IL2RB: variants seen among roughly 807,000 people sequenced by gnomAD.
The protein encoded by IL2RB is interleukin 2 receptor subunit beta.
In IL2RB, 17 loss-of-function variants were observed where a neutral mutation model predicts 44.2. The ratio of observed to expected loss-of-function variants is 0.38; its 90% CI spans 0.26 to 0.58. The LOEUF (loss-of-function observed/expected upper bound fraction) is 0.58. IL2RB is among the 20% of genes least tolerant of loss of function. The probability of loss-of-function intolerance (pLI) is 0.63; values close to 1 mark genes in which losing one functional copy is unlikely to be tolerated. For missense variants in IL2RB, 624 were observed against 685.5 expected (o/e 0.91, Z 1.00); for synonymous variants, 286 against 297.9 (o/e 0.96, Z 0.41).
At chr22:37,166,771 A>G (rs1923096408) in intron 1 of IL2RB, 1 of 152,188 alleles carries the variant, frequency 6.6e-6, no homozygotes, top group Non-Finnish European at 1.5e-5. Flanking sequence ...AGTCGCGGCC[A>G]GGAGCGTGAC....
intron 2 of IL2RB, 28 bp from the exon 3 acceptor site, chr22:37,143,663 T>C: frequency 1.3e-6 from 2 of 1,508,560 alleles, no homozygotes; most frequent in Non-Finnish European, 1.8e-6. Context: ...GTGTGAGTGC[T>C]GACTGTAGGT....
At chr22:37,164,887 G>C (rs919198467) in intron 1 of IL2RB, among the ~76,000 whole-genome samples, 1 of 152,132 alleles carries the variant, frequency 6.6e-6, no homozygotes, top group Non-Finnish European at 1.5e-5. Flanking sequence ...GTTGATTCCC[G>C]ACTATGCTGA....
intron 9 of IL2RB, among the ~76,000 whole-genome samples, chr22:37,131,935 C>T (rs763644673): frequency 1.3e-5 from 2 of 152,140 alleles, no homozygotes; most frequent in Non-Finnish European, 2.9e-5. Flanking sequence ...AGGGCTTCAC[C>T]ATGTTGGTCA....
At chr22:37,159,716 C>A (rs1922794505) in intron 1 of IL2RB, among the ~76,000 whole-genome samples, 1 of 152,196 alleles carries the variant, frequency 6.6e-6, no homozygotes, top group Non-Finnish European at 1.5e-5. Flanking sequence ...AAGCCCTCCC[C>A]AGAACGAAGG....
chr22:37,138,346 T>G (rs1921806797), intron 5 of IL2RB, among the ~76,000 whole-genome samples: 1 of 152,184 alleles, frequency 6.6e-6, no homozygotes, highest in African/African-American at 2.4e-5. Context: ...ATGTCTCAGT[T>G]CAAAGATGCC....
At position 37,141,024 on chromosome 22, in the gene IL2RB, G is replaced by A. The variant is rs1601601363; in HGVS notation, c.282+1410C>T. Among the ~76,000 whole-genome samples, 1 of 152,196 alleles carries A rather than the reference G, an allele frequency of 6.6e-6. No individual in the cohort carries two copies. Among genetic ancestry groups the A allele is most frequent in the Admixed American group, 6.5e-5 (1 of 15,282 alleles). Reference sequence around the variant, plus strand: ...CTAAAACTCTGGCTGCAGCCGGGAGGCGTAGCTGGGGTCTCCTGCTCCACG... The same window carrying A: ...CTAAAACTCTGGCTGCAGCCGGGAGACGTAGCTGGGGTCTCCTGCTCCACG... On this transcript the variant is annotated intron_variant, in intron 4 of 9. Transcript: ENST00000216223. The surrounding 1 kb of genome is among the most constrained non-coding windows in gnomAD (Gnocchi z 4.4).
intron 1 of IL2RB, among the ~76,000 whole-genome samples, chr22:37,161,609 G>A (rs931465447): frequency 1.3e-5 from 2 of 151,042 alleles, no homozygotes; most frequent in African/African-American, 4.9e-5. Flanking sequence ...CATGTGACCA[G>A]GTTCCCCCAA....
intron 1 of IL2RB, among the ~76,000 whole-genome samples, chr22:37,169,717 G>A (rs1427661863): frequency 6.6e-6 from 1 of 151,638 alleles, no homozygotes; most frequent in Non-Finnish European, 1.5e-5. Context: ...TTCTTATCCC[G>A]CGGACTCATC....
intron 1 of IL2RB, among the ~76,000 whole-genome samples, chr22:37,157,542 C>A (rs538483012): frequency 6.6e-6 from 1 of 152,170 alleles, no homozygotes; most frequent in Non-Finnish European, 1.5e-5. Context: ...ACCAGCTGTC[C>A]CACTGTGCCT....
intron 7 of IL2RB, among the ~76,000 whole-genome samples, chr22:37,135,643 G>A (rs1020230510): frequency 1.3e-5 from 2 of 152,156 alleles, no homozygotes; most frequent in Non-Finnish European, 2.9e-5. Context: ...GGCATTCTAA[G>A]AGCTCCTCCA....
intron 1 of IL2RB, among the ~76,000 whole-genome samples, chr22:37,145,002 A>C (rs879522247): frequency 2.0e-5 from 3 of 152,232 alleles, no homozygotes; most frequent in Non-Finnish European, 4.4e-5. Flanking sequence ...AAGTGATGGA[A>C]TAAATATAGA....
chr22:37,130,298 G>C (rs1921361649), intron 9 of IL2RB, among the ~76,000 whole-genome samples: 1 of 152,238 alleles, frequency 6.6e-6, no homozygotes, highest in Admixed American at 6.5e-5. Flanking sequence ...CAGGCCTGTG[G>C]CCAGTGCCGG....
At chr22:37,157,201 G>C (rs1184046860) in intron 1 of IL2RB, among the ~76,000 whole-genome samples, 6 of 152,186 alleles carry the variant, frequency 3.9e-5, no homozygotes, top group Non-Finnish European at 7.4e-5. Flanking sequence ...GCTAGCGGCC[G>C]ACTTCCTGAG....
chr22:37,147,069 C>T (rs1922260001), intron 1 of IL2RB, among the ~76,000 whole-genome samples: 1 of 152,188 alleles, frequency 6.6e-6, no homozygotes, highest in Admixed American at 6.5e-5. Context: ...CTGAAGGTTA[C>T]ATCAGGAGCC....
At chr22:37,164,591 C>T (rs1265945301) in intron 1 of IL2RB, among the ~76,000 whole-genome samples, 1 of 152,082 alleles carries the variant, frequency 6.6e-6, no homozygotes, top group Non-Finnish European at 1.5e-5. Context: ...GGGCAAGCCA[C>T]CTCTCCCCAC....
chr22:37,137,846 C>T (rs1269785326), intron 5 of IL2RB, 111 bp from the exon 6 acceptor site: 4 of 944,798 alleles, frequency 4.2e-6, no homozygotes, highest in East Asian at 2.6e-5. Flanking sequence ...TACCCCCCGA[C>T]CCAAAGCCCC....
intron 9 of IL2RB, among the ~76,000 whole-genome samples, chr22:37,131,855 G>T (rs555867334): frequency 6.6e-6 from 1 of 152,084 alleles, no homozygotes; most frequent in African/African-American, 2.4e-5. Context: ...CCCTGTCTCA[G>T]CCTCCTGAGT....
intron 9 of IL2RB, among the ~76,000 whole-genome samples, chr22:37,131,951 G>A (rs1212827636): frequency 6.6e-6 from 1 of 152,148 alleles, no homozygotes; most frequent in Non-Finnish European, 1.5e-5. Context: ...GGTCAGGCTG[G>A]TCTCGAACTC....
intron 1 of IL2RB, among the ~76,000 whole-genome samples, chr22:37,172,514 G>A (rs1041186935): frequency 6.6e-6 from 1 of 152,202 alleles, no homozygotes; most frequent in African/African-American, 2.4e-5. Context: ...GGTGGGGTAA[G>A]GGGCTGAGGT....
Sources: gnomAD v4.1 joint callset for allele counts (sites outside exome capture counted in the v4.1 genomes callset) on GRCh38, gnomAD v4.1.1 for gene constraint, Gnocchi (gnomAD v3.1) non-coding constraint, MANE v1.5 for transcripts, NCBI Gene and HGNC (gene_info 2026-07-23, HGNC 2026-07-21) for gene names.